The following TESC variants were observed in gnomAD, a reference collection of about 807,000 sequenced individuals.
The protein encoded by TESC is tescalcin, also known as calcineurin B homologous protein 3.
A neutral mutation model predicts 31.0 loss-of-function variants in TESC; 19 were observed. The observed-to-expected ratio is 0.61, with a 90% CI of 0.43 to 0.90. The LOEUF (loss-of-function observed/expected upper bound fraction) is 0.90. TESC is among the 40% of genes least tolerant of loss of function. The probability of loss-of-function intolerance (pLI) is 0.00; values close to 1 mark genes in which losing one functional copy is unlikely to be tolerated. For synonymous variants in TESC, 109 were observed against 114.8 expected, an observed-to-expected ratio of 0.95 and a Z score of 0.32; for missense variants, 248 against 303.8, an observed-to-expected ratio of 0.82 and a Z score of 1.36.
At chr12:117,041,918 C>A in intron 7 of TESC, 29 bp downstream of exon 7, 1 of 1,567,934 alleles carries the variant, frequency 6.4e-7, no homozygotes, top group Admixed American at 1.8e-5. Flanking sequence ...TCAAGGGTCC[C>A]CCGAGGCTCC....
intron 2 of TESC, among the ~76,000 whole-genome samples, chr12:117,060,161 T>C (rs1442981466): frequency 6.6e-6 from 1 of 152,068 alleles, no homozygotes; most frequent in Admixed American, 6.6e-5. Context: ...TACAGCTCCA[T>C]AAAGCTGTTA....
intron 2 of TESC, among the ~76,000 whole-genome samples, chr12:117,057,266 T>G (rs1954739066): frequency 6.6e-6 from 1 of 152,066 alleles, no homozygotes; most frequent in African/African-American, 2.4e-5. Flanking sequence ...GCTTAGCTAA[T>G]TTTTTAAATT....
chr12:117,082,987 C>T (rs1251488478), intron 1 of TESC, among the ~76,000 whole-genome samples: 3 of 151,478 alleles, frequency 2.0e-5, no homozygotes, highest in African/African-American at 7.3e-5. Flanking sequence ...ACATTACTAG[C>T]GAGGATTTAA....
In TESC at chr12:117,093,938, C is replaced by A. The variant is rs11068330; in HGVS notation, c.58+5287G>T. On this transcript the variant is annotated intron_variant, in intron 1 of 7. Transcript: ENST00000335209. ...TCCTTTCCAACTCCAGGAGCAGACA[C>A]GGATGGGGGGGACAGGAAGTGGGGC... Among the ~76,000 whole-genome samples the A allele has an allele frequency of 6.0e-3, 920 of 152,140 alleles. 11 individuals are homozygous for A. Among genetic ancestry groups the A allele is most frequent in the African/African-American group, 0.021 (877 of 41,482 alleles).
chr12:117,075,907 A>ATATGTATG (rs1955060657), intron 1 of TESC, among the ~76,000 whole-genome samples: 1 of 65,172 alleles, frequency 1.5e-5, no homozygotes, highest in African/African-American at 1.1e-4. Flanking sequence ...ATATATATAT[A>ATATGTATG]TATATATGTG....
rs573590935 is a variant in TESC, at chr12:117,070,784, G to A, written c.128+4487C>T. 5.9e-5 allele frequency among the ~76,000 whole-genome samples: 9 copies of A among 152,030 alleles called. No individual in the cohort carries two copies. The East Asian group carries it at 9.7e-4, about 16-fold the overall frequency. On this transcript the variant is annotated intron_variant, in intron 2 of 7. Coordinates refer to ENST00000335209, the MANE Select transcript of TESC (RefSeq NM_017899.4). Reference sequence around the variant, plus strand: ...CTGTAGGACTGAAGTCAGCCTGGGCGACATGGTAAGACCTCATCTCTACAA... The same window carrying A: ...CTGTAGGACTGAAGTCAGCCTGGGCAACATGGTAAGACCTCATCTCTACAA...
intron 2 of TESC, among the ~76,000 whole-genome samples, chr12:117,065,797 G>A (rs1004243169): frequency 9.2e-5 from 14 of 152,088 alleles, no homozygotes; most frequent in South Asian, 2.1e-4. Context: ...CAGGAGGATC[G>A]CTTGAGCCTG....
chr12:117,093,304 G>A (rs536721378), intron 1 of TESC, among the ~76,000 whole-genome samples: 15 of 152,362 alleles, frequency 9.8e-5, no homozygotes, highest in African/African-American at 2.9e-4. Context: ...ACCCAGGGGC[G>A]AGAACGCAGT....
rs539278052 is a variant in TESC at position 117,078,067 on chromosome 12, C to T, written c.59-2727G>A. ...TAATTCCACTTGGCAGGAATGTATC[C>T]TAAAAAATAATAGATGCAACACGTA... is the stretch of plus-strand genomic sequence containing the variant. On this transcript the variant is annotated intron_variant, in intron 1 of 7. Transcript: ENST00000335209. 3.9e-5 allele frequency among the ~76,000 whole-genome samples: 6 copies of T among 152,130 alleles called. No homozygotes were observed. The East Asian group carries it at 1.2e-3, about 29-fold the overall frequency.
At chr12:117,049,948 C>T (rs936102511) in intron 3 of TESC, among the ~76,000 whole-genome samples, 6 of 148,194 alleles carry the variant, frequency 4.0e-5, no homozygotes, top group African/African-American at 1.5e-4. Flanking sequence ...GAAGACTTTT[C>T]ACAATTTTAT....
At chr12:117,071,594 A>T (rs909645079) in intron 2 of TESC, among the ~76,000 whole-genome samples, 1 of 152,240 alleles carries the variant, frequency 6.6e-6, no homozygotes, top group Non-Finnish European at 1.5e-5. Context: ...GCTGTTGAGC[A>T]GAGGCTGCTC....
At chr12:117,047,900 T>C (rs1274211818) in intron 4 of TESC, among the ~76,000 whole-genome samples, 3 of 152,076 alleles carry the variant, frequency 2.0e-5, no homozygotes, top group Admixed American at 6.5e-5. Context: ...AGCACCACTA[T>C]GCCGTGCTCA....
Position 117,046,843 on chromosome 12 carries a change from G to C in TESC, c.350-5C>G, listed in dbSNP as rs753053677. The C allele has an allele frequency of 1.9e-5, 30 of 1,565,024 alleles. No homozygotes were observed. Among genetic ancestry groups the C allele is most frequent in the Non-Finnish European group, 2.3e-5 (27 of 1,154,680 alleles). On this transcript the variant is annotated splice_polypyrimidine_tract_variant and splice_region_variant and intron_variant, in intron 4 of 7. Coordinates refer to ENST00000335209, the MANE Select transcript of TESC (RefSeq NM_017899.4). ...AGTCGTACATGTGGAACAGAACTAG[G>C]GTGGCAGGGGAGAGAGGGGACTCCG...
At chr12:117,080,391 C>T (rs913360265) in intron 1 of TESC, among the ~76,000 whole-genome samples, 23 of 152,138 alleles carry the variant, frequency 1.5e-4, no homozygotes, top group African/African-American at 4.1e-4. Context: ...TCACTTGAAC[C>T]CGGGAGGCAG....
At chr12:117,074,669 C>A (rs1469007475) in intron 2 of TESC, among the ~76,000 whole-genome samples, 1 of 152,186 alleles carries the variant, frequency 6.6e-6, no homozygotes, top group Non-Finnish European at 1.5e-5. Flanking sequence ...TGGGATTTAA[C>A]AGGACCTCCA....
chr12:117,058,469 G>A (rs1284382169), intron 2 of TESC, among the ~76,000 whole-genome samples: 4 of 151,354 alleles, frequency 2.6e-5, no homozygotes, highest in Non-Finnish European at 4.4e-5. Flanking sequence ...TGACTGCAGT[G>A]CTGGATGCAG....
intron 1 of TESC, among the ~76,000 whole-genome samples, chr12:117,093,612 T>G (rs1296059503): frequency 6.6e-6 from 1 of 152,200 alleles, no homozygotes; most frequent in Non-Finnish European, 1.5e-5. Flanking sequence ...ACCTCCTCTC[T>G]TGAGCCTCAA....
chr12:117,072,440 TGAG>T (rs1954987408), intron 2 of TESC, among the ~76,000 whole-genome samples: 1 of 152,062 alleles, frequency 6.6e-6, no homozygotes, highest in African/African-American at 2.4e-5. Flanking sequence ...ACTTTCCAGA[TGAG>T]GAGACCAGCT....
At chr12:117,093,198 G>A (rs986182870) in intron 1 of TESC, among the ~76,000 whole-genome samples, 4 of 152,162 alleles carry the variant, frequency 2.6e-5, no homozygotes, top group Non-Finnish European at 5.9e-5. Flanking sequence ...GGCAGGGACC[G>A]CATCTGGTCC....
Sources: allele counts gnomAD v4.1 joint callset (sites outside exome capture counted in the v4.1 genomes callset), GRCh38; gene constraint gnomAD v4.1.1; transcripts MANE v1.5; gene names NCBI Gene and HGNC (gene_info 2026-07-23, HGNC 2026-07-21).